Variants in ELOF1 observed in about 807,000 individuals in gnomAD.
The protein encoded by ELOF1 is elongation factor 1.
A neutral mutation model predicts 7.1 loss-of-function variants in ELOF1; 4 were observed. The ratio of observed to expected loss-of-function variants is 0.56; its 90% CI spans 0.28 to 1.29. The LOEUF is 1.29. Ranked by LOEUF, ELOF1 falls within the 50% of genes most tolerant of loss-of-function variation. The pLI is 0.10. For missense variants in ELOF1, 59 were observed against 86.3 expected (o/e 0.68, Z 1.25); for synonymous variants, 31 against 31.9 (o/e 0.97, Z 0.09).
intron 1 of ELOF1, among the ~76,000 whole-genome samples, chr19:11,557,519 C>T (rs2145060799): frequency 6.7e-6 from 1 of 149,944 alleles, no homozygotes; most frequent in South Asian, 2.1e-4. Flanking sequence ...TCGCTTGAAC[C>T]TGGGAGTCGG....
chr19:11,553,497 G>C lies in ELOF1; in HGVS notation c.188-442C>G, dbSNP rs1000435653. The C allele has an allele frequency of 1.2e-5, 7 of 605,768 alleles. No individual in the cohort carries two copies. The East Asian group carries it at 1.7e-4, about 14-fold the overall frequency. The allele number at this position is 605,768 out of a possible 1,614,324, so 37.5% of individuals were successfully genotyped here. On this transcript the variant is annotated intron_variant, in intron 3 of 3. Coordinates refer to ENST00000586683, the Ensembl canonical transcript of ELOF1. Reference sequence around the variant, plus strand: ...GAACCCGACACCACCGCGTACCTGTGAGCACACACTCACGGCCACCCCAGT... The same window carrying C: ...GAACCCGACACCACCGCGTACCTGTCAGCACACACTCACGGCCACCCCAGT...
At chr19:11,555,791 A>G (rs907572477) in intron 1 of ELOF1, 3 of 152,768 alleles carry the variant, frequency 2.0e-5, no homozygotes, top group Admixed American at 1.3e-4. Flanking sequence ...ATCTGGATGA[A>G]GACAAAGTCA....
chr19:11,553,253 A>G (rs8606), intron 3 of ELOF1: 338,055 of 397,184 alleles, frequency 0.85, 144,379 homozygotes, highest in African/African-American at 0.92. Flanking sequence ...GGAGAAGGAG[A>G]GCGGGAAGTC....
chr19:11,553,460 C>T, intron 3 of ELOF1: 1 of 582,080 alleles, frequency 1.7e-6, no homozygotes, highest in Non-Finnish European at 3.1e-6. Flanking sequence ...AGTTCAGGCC[C>T]CTCAGGCCCA....
chr19:11,556,286 A>G (rs147596897), intron 1 of ELOF1, among the ~76,000 whole-genome samples: 1 of 151,820 alleles, frequency 6.6e-6, no homozygotes, highest in Non-Finnish European at 1.5e-5. Flanking sequence ...ATCACTTCCT[A>G]TGTAATACCC....
intron 1 of ELOF1, 194 bp from the exon 2 acceptor site, chr19:11,554,559 C>G (rs1018209668): frequency 6.6e-6 from 5 of 756,436 alleles, no homozygotes; most frequent in African/African-American, 5.3e-5. Flanking sequence ...AGGGGTGAGA[C>G]GAGGCTCTAA....
chr19:11,554,030 T>A, exon 3 of ELOF1: 1 of 1,614,158 alleles, frequency 6.2e-7, no homozygotes, highest in Non-Finnish European at 8.5e-7. Context: ...GCGTCTGGAA[T>A]TCCTCTAGGC....
chr19:11,554,314 G>A, exon 2 of ELOF1: 1 of 1,613,972 alleles, frequency 6.2e-7, no homozygotes, highest in Non-Finnish European at 8.5e-7. Flanking sequence ...TTCTTCTTGG[G>A]AGGCGGCTTT....
At chr19:11,558,824 G>C (rs1279911450) in intron 1 of ELOF1, 1 of 151,978 alleles carries the variant, frequency 6.6e-6, no homozygotes, top group East Asian at 1.9e-4. Context: ...AATGGGGTCT[G>C]GCTTGCACAA....
At chr19:11,555,300 AGAG>A (rs1972815750) in intron 1 of ELOF1, 1 of 166,772 alleles carries the variant, frequency 6.0e-6, no homozygotes, top group Non-Finnish European at 1.3e-5. Flanking sequence ...TTGCTATCTC[AGAG>A]GAGACTTGTG....
chr19:11,553,160 AG>A (rs372877562), intron 3 of ELOF1: 3 of 400,408 alleles, frequency 7.5e-6, no homozygotes, highest in Admixed American at 4.3e-5. Context: ...TACCATGGGG[AG>A]GGGGGCGGCT....
intron 3 of ELOF1, chr19:11,553,588 C>CACAT: frequency 2.8e-5 from 1 of 35,776 alleles, no homozygotes; most frequent in South Asian, 1.7e-4. Context: ...CCACTACACA[C>CACAT]ACACACACAC....
At chr19:11,553,175 T>C (rs1338169402) in intron 3 of ELOF1, 5 of 399,678 alleles carry the variant, frequency 1.3e-5, no homozygotes, top group East Asian at 3.6e-5. Flanking sequence ...GGCGGCTCCC[T>C]GTCAGGGCCC....
intron 1 of ELOF1, 112 bp from the exon 2 acceptor site, chr19:11,554,477 G>C (rs1386341836): frequency 6.9e-7 from 1 of 1,449,164 alleles, no homozygotes; most frequent in African/African-American, 1.4e-5. Context: ...TGGTCCCGGG[G>C]CCTCTGCCCT....
chr19:11,554,420 C>G, intron 1 of ELOF1, 55 bp from the exon 2 acceptor site: 1 of 1,583,484 alleles, frequency 6.3e-7, no homozygotes, highest in Non-Finnish European at 8.6e-7. Context: ...CGCCCCAGCT[C>G]AATGCTCTAG....
intron 1 of ELOF1, among the ~76,000 whole-genome samples, chr19:11,558,726 CAAA>C (rs60765656): frequency 3.6e-5 from 4 of 110,326 alleles, no homozygotes; most frequent in African/African-American, 3.4e-5. Flanking sequence ...GACTCACTCT[CAAA>C]AAAAAAAAAA....
At chr19:11,557,495 C>T (rs1972849698) in intron 1 of ELOF1, among the ~76,000 whole-genome samples, 1 of 150,470 alleles carries the variant, frequency 6.6e-6, no homozygotes, top group African/African-American at 2.5e-5. Flanking sequence ...AATAGAGAGG[C>T]TGAGGCAGGA....
At chr19:11,558,726 C>CAA (rs60765656) in intron 1 of ELOF1, among the ~76,000 whole-genome samples, 1 of 110,336 alleles carries the variant, frequency 9.1e-6, no homozygotes, top group African/African-American at 3.4e-5. Flanking sequence ...GACTCACTCT[C>CAA]AAAAAAAAAA....
At position 11,553,824 on chromosome 19, in the gene ELOF1, G is replaced by A. The variant is rs1230183334; in HGVS notation, c.187+187C>T. 6.2e-7 allele frequency: 1 copy of A among 1,614,198 alleles called. No individual in the cohort carries two copies. The highest frequency in any genetic ancestry group is 8.5e-7 in the Non-Finnish European group (1 of 1,180,040). The stretch of plus-strand genomic sequence containing the variant: ...GTTCTGACAGATCTGGGCCACTTAG[G>A]TCAAGGGCGATCATTGGCATTGGAA... On this transcript the variant is annotated intron_variant, in intron 3 of 3. Transcript: ENST00000586683.
Sources: gnomAD v4.1 joint callset for allele counts (sites outside exome capture counted in the v4.1 genomes callset) on GRCh38, gnomAD v4.1.1 for gene constraint, MANE v1.5 for transcripts, NCBI Gene and HGNC (gene_info 2026-07-23, HGNC 2026-07-21) for gene names.